The following PTPN4 variants were observed in gnomAD, a reference collection of about 807,000 sequenced individuals.
The protein encoded by PTPN4 is tyrosine-protein phosphatase non-receptor type 4.
A neutral mutation model predicts 135.5 loss-of-function variants in PTPN4; 49 were observed. The observed-to-expected ratio is 0.36, with a 90% confidence interval of 0.29 to 0.46. The LOEUF is 0.46. PTPN4 is among the 20% of genes least tolerant of loss of function. The pLI is 1.00. For missense variants in PTPN4, 860 were observed against 1,101.0 expected (o/e 0.78, Z 3.10); for synonymous variants, 333 against 369.9 (o/e 0.90, Z 1.14).
Position 119,762,795 on chromosome 2 carries a change from A to T in PTPN4, c.-18+2411A>T, listed in dbSNP as rs75023959. 5.9e-4 allele frequency among the ~76,000 whole-genome samples: 90 copies of T among 152,230 alleles called. No individual in the cohort carries two copies. The South Asian group carries it at 0.018, about 31-fold the overall frequency. On this transcript the variant is annotated intron_variant, in intron 1 of 26. Coordinates refer to ENST00000263708, the MANE Select transcript of PTPN4 (RefSeq NM_002830.4). The stretch of plus-strand genomic sequence containing the variant: ...TGTTGCTCCTATGTAAAATTTAGTT[A>T]TTGGTAGAAGTTTACTAACTGAGTT...
intron 1 of PTPN4, among the ~76,000 whole-genome samples, chr2:119,761,385 T>G (rs1299007420): frequency 6.6e-6 from 1 of 152,172 alleles, no homozygotes; most frequent in African/African-American, 2.4e-5. Context: ...GAGATGGCCT[T>G]AAAATAAAGG....
chr2:119,920,345 T>TA, intron 12 of PTPN4, 104 bp downstream of exon 12: 1 of 1,284,432 alleles, frequency 7.8e-7, no homozygotes. Context: ...TACACAAACT[T>TA]AACTGAGTCA....
At chr2:119,882,976 T>C (rs186869147) in intron 8 of PTPN4, among the ~76,000 whole-genome samples, 3 of 152,304 alleles carry the variant, frequency 2.0e-5, no homozygotes, top group African/African-American at 7.2e-5. Flanking sequence ...TTGATTCTCC[T>C]TGGTAGTGAG....
chr2:119,968,800 A>C (rs541825548), intron 26 of PTPN4, among the ~76,000 whole-genome samples: 1 of 152,222 alleles, frequency 6.6e-6, no homozygotes, highest in Non-Finnish European at 1.5e-5. Flanking sequence ...TCAAAAAAAA[A>C]GAACTTACGT....
At chr2:119,802,053 G>A (rs1386494534) in intron 1 of PTPN4, among the ~76,000 whole-genome samples, 1 of 151,690 alleles carries the variant, frequency 6.6e-6, no homozygotes, top group African/African-American at 2.4e-5. Flanking sequence ...ACAGGCGCCC[G>A]CCACCACACC....
At chr2:119,918,125 C>T (rs954406071) in intron 11 of PTPN4, among the ~76,000 whole-genome samples, 4 of 152,098 alleles carry the variant, frequency 2.6e-5, no homozygotes, top group Admixed American at 2.6e-4. Context: ...TTAGTGCAAA[C>T]AAAACAACTA....
chr2:119,784,273 C>A (rs930592165), intron 1 of PTPN4, among the ~76,000 whole-genome samples: 20 of 131,706 alleles, frequency 1.5e-4, no homozygotes, highest in African/African-American at 5.3e-4. Flanking sequence ...TGTAGACTCC[C>A]TTTTTTTTTT....
In PTPN4 at chr2:119,843,673, T is replaced by C. The variant is rs1422985893; in HGVS notation, c.139-18863T>C. 4.0e-5 allele frequency among the ~76,000 whole-genome samples: 3 copies of C among 75,906 alleles called. 1 individual carries two copies. Among genetic ancestry groups the C allele is most frequent in the Non-Finnish European group, 7.8e-5 (3 of 38,474 alleles). The allele number at this position is 75,906 out of a possible 152,430, so 49.8% of individuals were successfully genotyped here. On this transcript the variant is annotated intron_variant, in intron 2 of 26. Transcript: ENST00000263708. The stretch of plus-strand genomic sequence containing the variant: ...GGGGCGGCTGGCCGGGCAGAGGGGC[T>C]CCTCACTTCCCAGTAGGGGCGGCCG...
At chr2:119,870,260 A>T (rs1574379534) in intron 3 of PTPN4, among the ~76,000 whole-genome samples, 1 of 152,346 alleles carries the variant, frequency 6.6e-6, no homozygotes, top group East Asian at 1.9e-4. Flanking sequence ...CAGATTCATT[A>T]AACATCTAGG....
chr2:119,936,493 T>G (rs977653928), intron 15 of PTPN4, among the ~76,000 whole-genome samples: 4 of 152,094 alleles, frequency 2.6e-5, no homozygotes, highest in Non-Finnish European at 4.4e-5. Context: ...TCTCACAAGA[T>G]CTGATGGTTT....
intron 1 of PTPN4, chr2:119,791,236 T>C (rs1203762457): frequency 6.6e-6 from 1 of 151,982 alleles, no homozygotes; most frequent in Non-Finnish European, 1.5e-5. Flanking sequence ...TTCAAGCGAT[T>C]CTCCTGCCTC....
chr2:119,835,116 C>T (rs1196004921), intron 2 of PTPN4, among the ~76,000 whole-genome samples: 1 of 152,156 alleles, frequency 6.6e-6, no homozygotes, highest in Non-Finnish European at 1.5e-5. Flanking sequence ...TTGTCACTTC[C>T]TTAAGCCACT....
chr2:119,850,180 G>A (rs1677570398), intron 2 of PTPN4, among the ~76,000 whole-genome samples: 1 of 152,224 alleles, frequency 6.6e-6, no homozygotes, highest in Non-Finnish European at 1.5e-5. Flanking sequence ...TTCTGTTCTT[G>A]TGGCCTGTCT....
intron 3 of PTPN4, among the ~76,000 whole-genome samples, chr2:119,870,772 A>G (rs1558750240): frequency 6.6e-6 from 1 of 152,210 alleles, no homozygotes; most frequent in Non-Finnish European, 1.5e-5. Context: ...AACAGATACC[A>G]TATATAAAAA....
intron 2 of PTPN4, among the ~76,000 whole-genome samples, chr2:119,836,913 T>C (rs891898277): frequency 2.6e-5 from 4 of 152,112 alleles, no homozygotes; most frequent in African/African-American, 9.7e-5. Context: ...GGGCTGAGGA[T>C]GGCTCGTCAC....
chr2:119,888,919 G>A (rs780741730), intron 9 of PTPN4, among the ~76,000 whole-genome samples: 1 of 152,092 alleles, frequency 6.6e-6, no homozygotes, highest in African/African-American at 2.4e-5. Flanking sequence ...TTACTTCTTT[G>A]TGTGTTTGGT....
intron 2 of PTPN4, among the ~76,000 whole-genome samples, chr2:119,854,436 T>C (rs1037009376): frequency 6.6e-6 from 1 of 152,162 alleles, no homozygotes; most frequent in African/African-American, 2.4e-5. Flanking sequence ...TCTTAATAAC[T>C]CCCGTAATAT....
At chr2:119,903,749 G>A (rs1200220096) in intron 10 of PTPN4, among the ~76,000 whole-genome samples, 1 of 152,038 alleles carries the variant, frequency 6.6e-6, no homozygotes, top group Non-Finnish European at 1.5e-5. Flanking sequence ...CTGACACCAT[G>A]CATACCACCT....
chr2:119,873,179 T>G (rs77509380), intron 3 of PTPN4, among the ~76,000 whole-genome samples: 15,002 of 151,368 alleles, frequency 0.099, 891 homozygotes, highest in East Asian at 0.12. Flanking sequence ...GTTTTTTTTT[T>G]TTGTTGTTGT....
Sources: allele counts gnomAD v4.1 joint callset (sites outside exome capture counted in the v4.1 genomes callset), GRCh38; gene constraint gnomAD v4.1.1; transcripts MANE v1.5; gene names NCBI Gene and HGNC (gene_info 2026-07-23, HGNC 2026-07-21).